The following PTPRD variants were observed in gnomAD, a reference collection of about 807,000 sequenced individuals.
PTPRD encodes the protein receptor-type tyrosine-protein phosphatase delta.
In PTPRD, 34 loss-of-function variants were observed where a neutral mutation model predicts 214.5. The ratio of observed to expected loss-of-function variants is 0.16; its 90% CI spans 0.12 to 0.21. The LOEUF is 0.21. PTPRD is among the 10% of genes least tolerant of loss of function. The pLI, the probability that PTPRD is intolerant of heterozygous loss-of-function variation, is 1.00. For missense variants in PTPRD, 2,545 were observed against 2,398.7 expected (o/e 1.06, Z -1.27); for synonymous variants, 1,128 against 845.7 (o/e 1.33, Z -5.79).
chr9:8,714,307 GTT>G (rs58676972), intron 12 of PTPRD, among the ~76,000 whole-genome samples: 2 of 150,618 alleles, frequency 1.3e-5, no homozygotes, highest in African/African-American at 2.4e-5. Context: ...AGCTTATTGG[GTT>G]TTTTTTTGTT....
intron 14 of PTPRD, among the ~76,000 whole-genome samples, chr9:8,629,808 C>T (rs1183183967): frequency 4.0e-5 from 6 of 151,742 alleles, no homozygotes; most frequent in Non-Finnish European, 7.4e-5. Flanking sequence ...CTACTTCTTT[C>T]GTGAACCACA....
intron 3 of PTPRD, among the ~76,000 whole-genome samples, chr9:10,195,259 T>C (rs947984237): frequency 1.3e-5 from 2 of 152,128 alleles, no homozygotes; most frequent in African/African-American, 2.4e-5. Context: ...TCTCTATGTC[T>C]CACTTTCCTC....
intron 2 of PTPRD, among the ~76,000 whole-genome samples, chr9:10,371,278 A>G (rs1281890010): frequency 2.0e-5 from 3 of 151,966 alleles, no homozygotes; most frequent in Admixed American, 6.6e-5. Context: ...TGCAACCAAT[A>G]TAGTATAGTG....
chr9:8,527,463 T>C (rs1367951497), intron 15 of PTPRD, 110 bp from the exon 16 acceptor site: 4 of 899,974 alleles, frequency 4.4e-6, no homozygotes, highest in Non-Finnish European at 7.0e-6. Context: ...AAATCATCTA[T>C]GTTACATGTG....
chr9:9,904,286 C>CGA (rs2077057420), intron 5 of PTPRD, among the ~76,000 whole-genome samples: 1 of 152,114 alleles, frequency 6.6e-6, no homozygotes. Context: ...TAAGATAGGT[C>CGA]ACTTCTGTAA....
At chr9:8,989,022 A>C (rs905451426) in intron 11 of PTPRD, among the ~76,000 whole-genome samples, 1 of 152,096 alleles carries the variant, frequency 6.6e-6, no homozygotes, top group African/African-American at 2.4e-5. Context: ...TTTCATAATT[A>C]ATATTAGTAG....
At chr9:9,638,745 A>G (rs753935246) in intron 7 of PTPRD, among the ~76,000 whole-genome samples, 16 of 152,200 alleles carry the variant, frequency 1.1e-4, no homozygotes, top group Non-Finnish European at 1.9e-4. Context: ...TGTTTGTGCT[A>G]CTATAACAGA....
chr9:9,927,354 C>A (rs570429817), intron 5 of PTPRD, among the ~76,000 whole-genome samples: 4 of 152,190 alleles, frequency 2.6e-5, no homozygotes, highest in African/African-American at 9.6e-5. Flanking sequence ...GAAAGCATTG[C>A]TAGCTGTCCT....
At position 8,492,916 on chromosome 9, in the gene PTPRD, T is replaced by C. The variant is rs1487419449; in HGVS notation, c.2413A>G (p.Thr805Ala). 2 of 1,613,730 alleles carry C rather than the reference T, an allele frequency of 1.2e-6. No individual in the cohort carries two copies. The highest frequency in any genetic ancestry group is 1.7e-6 in the Non-Finnish European group (2 of 1,179,842). ...TTGCTGCGAGCACCATCTCCTTTGGTTGTGTAGGCTGTGACGGTGAGGGAG... is the reference window on the plus strand; with the variant it reads ...TTGCTGCGAGCACCATCTCCTTTGGCTGTGTAGGCTGTGACGGTGAGGGAG... ...SYSLTVTAYT[T>A]KGDGARSKPK... is the part of the protein sequence containing the mutation. The change falls in exon 27 of 46, where the codon ACC (threonine) becomes GCC (alanine). Residue 805 changes from threonine to alanine, a missense_variant. Physicochemically the swap from Thr to Ala is moderately conservative, Grantham distance 58. Transcript: ENST00000381196.
intron 9 of PTPRD, among the ~76,000 whole-genome samples, chr9:9,244,873 C>A (rs941994351): frequency 1.3e-5 from 2 of 152,008 alleles, no homozygotes; most frequent in Non-Finnish European, 2.9e-5. Context: ...GAGAAAATTT[C>A]TGCAATCTAC....
intron 6 of PTPRD, among the ~76,000 whole-genome samples, chr9:9,759,260 T>C (rs776011805): frequency 5.3e-5 from 8 of 152,274 alleles, no homozygotes; most frequent in Middle Eastern, 3.4e-3. Context: ...AATGATTACA[T>C]TGGTTATTAA....
chr9:8,734,319 G>A (rs754617476), intron 11 of PTPRD, among the ~76,000 whole-genome samples: 4 of 152,200 alleles, frequency 2.6e-5, no homozygotes, highest in Admixed American at 2.6e-4. Context: ...AAGCACACCA[G>A]TGCTATGAGA....
intron 9 of PTPRD, among the ~76,000 whole-genome samples, chr9:9,311,279 C>T (rs972269630): frequency 6.6e-6 from 1 of 151,874 alleles, no homozygotes; most frequent in Non-Finnish European, 1.5e-5. Flanking sequence ...GAGCAGGCAC[C>T]CATGTCAAAC....
chr9:9,086,032 T>C (rs2099766602), intron 10 of PTPRD, among the ~76,000 whole-genome samples: 1 of 152,210 alleles, frequency 6.6e-6, no homozygotes, highest in Non-Finnish European at 1.5e-5. Flanking sequence ...AATTTACTGA[T>C]ATATAGGAAA....
At chr9:9,787,014 G>A (rs898494279) in intron 5 of PTPRD, among the ~76,000 whole-genome samples, 3 of 151,976 alleles carry the variant, frequency 2.0e-5, no homozygotes, top group African/African-American at 7.3e-5. Context: ...GTGTGCGCCT[G>A]AAGTCCCAAC....
At chr9:9,043,241 C>A (rs1041225097) in intron 10 of PTPRD, among the ~76,000 whole-genome samples, 3 of 152,144 alleles carry the variant, frequency 2.0e-5, no homozygotes, top group Non-Finnish European at 4.4e-5. Context: ...ATTAGTACAT[C>A]TCCTCTTTAA....
chr9:9,463,315 G>A (rs1182023093), intron 8 of PTPRD, among the ~76,000 whole-genome samples: 1 of 152,102 alleles, frequency 6.6e-6, no homozygotes, highest in Non-Finnish European at 1.5e-5. Context: ...AAACAGCAAG[G>A]ACAGGCTACA....
chr9:9,617,045 T>A (rs1230673643), intron 7 of PTPRD, among the ~76,000 whole-genome samples: 1 of 152,182 alleles, frequency 6.6e-6, no homozygotes, highest in African/African-American at 2.4e-5. Context: ...GAACCCCAAT[T>A]TGGAGTTTCA....
chr9:9,873,710 T>C (rs1403163099), intron 5 of PTPRD, among the ~76,000 whole-genome samples: 1 of 152,188 alleles, frequency 6.6e-6, no homozygotes, highest in Non-Finnish European at 1.5e-5. Flanking sequence ...CAAACTGAGA[T>C]AATAAATGAG....
Sources: allele counts gnomAD v4.1 joint callset (sites outside exome capture counted in the v4.1 genomes callset), GRCh38; gene constraint gnomAD v4.1.1; transcripts MANE v1.5; gene names NCBI Gene and HGNC (gene_info 2026-07-23, HGNC 2026-07-21).